MARCHF1: variants seen among roughly 807,000 people sequenced by gnomAD.
The protein encoded by MARCHF1 is E3 ubiquitin-protein ligase MARCHF1.
MARCHF1 carries 40 observed loss-of-function variants against 54.2 expected under a neutral mutation model. The ratio of observed to expected loss-of-function variants is 0.74; its 90% CI spans 0.57 to 0.96. The LOEUF (loss-of-function observed/expected upper bound fraction) is 0.96. MARCHF1 is among the 40% of genes least tolerant of loss of function. MARCHF1 has a pLI of 0.00. For synonymous variants in MARCHF1, 236 were observed against 236.3 expected (o/e 1.00, Z 0.01); for missense variants, 586 against 656.5 (o/e 0.89, Z 1.17).
chr4:163,705,905 T>C (rs928598678), intron 4 of MARCHF1, among the ~76,000 whole-genome samples: 2 of 152,042 alleles, frequency 1.3e-5, no homozygotes, highest in Non-Finnish European at 2.9e-5. Flanking sequence ...CATAACATCT[T>C]AGAAATCCCA....
chr4:164,129,758 G>A (rs76780796), intron 1 of MARCHF1, among the ~76,000 whole-genome samples: 141 of 152,058 alleles, frequency 9.3e-4, no homozygotes, highest in African/African-American at 3.2e-3. Flanking sequence ...ATGGACACAT[G>A]CCAGGGAACA....
chr4:163,818,697 T>C (rs1748610254), intron 4 of MARCHF1, among the ~76,000 whole-genome samples: 5 of 152,036 alleles, frequency 3.3e-5, no homozygotes, highest in Admixed American at 3.3e-4. Context: ...CTCAGGCTCT[T>C]CTCAAAATAT....
chr4:163,538,237 G>A lies in MARCHF1; in HGVS notation c.1339+7359C>T, dbSNP rs552608667. Among the ~76,000 whole-genome samples, 3 of 152,262 alleles carry A rather than the reference G, an allele frequency of 2.0e-5. No homozygotes were observed. The South Asian group carries it at 6.2e-4, about 32-fold the overall frequency. ...TCTGGACAAGATTATTTTTAGCAAG[G>A]CAGAGAAGGAAACTGGGATGTCCAG... On this transcript the variant is annotated intron_variant, in intron 9 of 9. Coordinates refer to ENST00000514618, the MANE Select transcript of MARCHF1 (RefSeq NM_001394959.1).
chr4:164,266,448 C>T (rs1480184046), intron 1 of MARCHF1, among the ~76,000 whole-genome samples: 1 of 152,124 alleles, frequency 6.6e-6, no homozygotes. Flanking sequence ...AATAGTAATA[C>T]TTATTGTAGA....
intron 4 of MARCHF1, among the ~76,000 whole-genome samples, chr4:163,832,717 C>A (rs1335096995): frequency 1.3e-5 from 2 of 149,902 alleles, no homozygotes; most frequent in African/African-American, 4.9e-5. Context: ...TTAGGTATAT[C>A]TCCTAATGCT....
At chr4:164,342,585 C>T (rs1729962287) in intron 1 of MARCHF1, among the ~76,000 whole-genome samples, 1 of 151,460 alleles carries the variant, frequency 6.6e-6, no homozygotes, top group South Asian at 2.1e-4. Context: ...AATAAAACTA[C>T]AATATAATCC....
Position 164,314,797 on chromosome 4 carries a change from G to A in MARCHF1, c.-323+69073C>T, listed in dbSNP as rs938552708. On this transcript the variant is annotated intron_variant, in intron 1 of 9. Transcript: ENST00000514618. ...AACATGTATCAAATCTCTACTGTAC[G>A]TCAGATACTATGTTCACTAAGTTTA... 4.0e-5 allele frequency among the ~76,000 whole-genome samples: 6 copies of A among 151,718 alleles called. No individual in the cohort carries two copies. In the South Asian group the frequency reaches 1.2e-3, roughly 32 times the overall value.
intron 1 of MARCHF1, among the ~76,000 whole-genome samples, chr4:164,175,771 G>T (rs1325723136): frequency 6.6e-6 from 1 of 152,162 alleles, no homozygotes; most frequent in Non-Finnish European, 1.5e-5. Flanking sequence ...CCACCACGCT[G>T]CCCTGCAGCT....
chr4:164,034,789 C>A (rs563577346), intron 2 of MARCHF1, among the ~76,000 whole-genome samples: 1 of 152,162 alleles, frequency 6.6e-6, no homozygotes, highest in Non-Finnish European at 1.5e-5. Flanking sequence ...CTTTACCAAG[C>A]ATTTTGTATG....
chr4:163,785,431 A>G (rs949589210), intron 4 of MARCHF1, among the ~76,000 whole-genome samples: 1 of 152,074 alleles, frequency 6.6e-6, no homozygotes, highest in South Asian at 2.1e-4. Context: ...CTTTCCTAAT[A>G]TAGATGTTGT....
chr4:163,629,040 G>GAA (rs539931827), intron 5 of MARCHF1, among the ~76,000 whole-genome samples: 1 of 151,972 alleles, frequency 6.6e-6, no homozygotes, highest in African/African-American at 2.4e-5. Flanking sequence ...CACAGAATTA[G>GAA]AAAAAAACTA....
intron 1 of MARCHF1, among the ~76,000 whole-genome samples, chr4:164,303,793 A>C: frequency 6.6e-6 from 1 of 152,082 alleles, no homozygotes; most frequent in East Asian, 1.9e-4. Context: ...ACACACGTAC[A>C]CACACCTTTC....
chr4:163,820,779 A>C (rs1166430809), intron 4 of MARCHF1, among the ~76,000 whole-genome samples: 1 of 151,834 alleles, frequency 6.6e-6, no homozygotes, highest in African/African-American at 2.4e-5. Context: ...ATATGCAAAC[A>C]ATTTTTTTTC....
chr4:163,764,803 A>G (rs1052976651), intron 4 of MARCHF1, among the ~76,000 whole-genome samples: 1 of 152,096 alleles, frequency 6.6e-6, no homozygotes, highest in East Asian at 1.9e-4. Flanking sequence ...CTATGATACC[A>G]TAACCTGAGA....
intron 2 of MARCHF1, among the ~76,000 whole-genome samples, chr4:164,073,748 C>T (rs146965162): frequency 2.9e-4 from 44 of 152,104 alleles, no homozygotes; most frequent in African/African-American, 7.7e-4. Flanking sequence ...TTTTGATAAA[C>T]GGTAATATGA....
At chr4:164,374,223 CTAAT>C (rs1460806646) in intron 1 of MARCHF1, among the ~76,000 whole-genome samples, 1 of 151,688 alleles carries the variant, frequency 6.6e-6, no homozygotes, top group African/African-American at 2.4e-5. Context: ...CACAAGAAAA[CTAAT>C]TAGATTTAAC....
chr4:163,781,980 T>C (rs1273985588), intron 4 of MARCHF1, among the ~76,000 whole-genome samples: 1 of 152,188 alleles, frequency 6.6e-6, no homozygotes, highest in East Asian at 1.9e-4. Flanking sequence ...GGTCAGTGCT[T>C]TGTTCAGTCT....
intron 4 of MARCHF1, among the ~76,000 whole-genome samples, chr4:163,710,801 G>A (rs916592623): frequency 7.9e-5 from 12 of 152,076 alleles, no homozygotes; most frequent in East Asian, 3.9e-4. Flanking sequence ...TGGAAAATAA[G>A]GGCATTCAAT....
chr4:163,910,315 T>C (rs183503709), intron 3 of MARCHF1, among the ~76,000 whole-genome samples: 16 of 152,282 alleles, frequency 1.1e-4, no homozygotes, highest in Non-Finnish European at 2.2e-4. Flanking sequence ...ACATAAACAA[T>C]GTGTTGCAGT....
Sources: allele counts gnomAD v4.1 joint callset (sites outside exome capture counted in the v4.1 genomes callset), GRCh38; gene constraint gnomAD v4.1.1; transcripts MANE v1.5; gene names NCBI Gene and HGNC (gene_info 2026-07-23, HGNC 2026-07-21).